The following PLEKHG1 variants were observed in gnomAD, a reference collection of about 807,000 sequenced individuals.
The protein encoded by PLEKHG1 is pleckstrin homology domain-containing family G member 1.
Under a neutral mutation model 100.8 loss-of-function variants are expected in PLEKHG1, and 44 were observed. The observed-to-expected ratio is 0.44, with a 90% CI of 0.34 to 0.56. The LOEUF is 0.56. PLEKHG1 is among the 20% of genes least tolerant of loss of function. The probability of loss-of-function intolerance (pLI) is 0.01; values close to 1 mark genes in which losing one functional copy is unlikely to be tolerated. For missense variants in PLEKHG1, 1,545 were observed against 1,720.9 expected (o/e 0.90, Z 1.81); for synonymous variants, 640 against 662.5 (o/e 0.97, Z 0.52).
chr6:150,813,304 C>CA (rs36106888), intron 10 of PLEKHG1, among the ~76,000 whole-genome samples: 73,541 of 121,968 alleles, frequency 0.6, 20,410 homozygotes, highest in Admixed American at 0.66. Context: ...GACTCTGTCT[C>CA]AAAAAAAAAA....
Position 150,818,176 on chromosome 6 carries a change from C to G in PLEKHG1, c.1279-7C>G, listed in dbSNP as rs1180878607. On this transcript the variant is annotated splice_region_variant and splice_polypyrimidine_tract_variant and intron_variant, in intron 10 of 15. Coordinates refer to ENST00000358517, the Ensembl canonical transcript of PLEKHG1. ...TTGGAATTACAGCTCTACTTTCTCT[C>G]TTTCAGGCCAAGCAAGCAATCCTTG... 1.2e-6 allele frequency: 2 copies of G among 1,607,730 alleles called. No individual in the cohort carries two copies. Among genetic ancestry groups the G allele is most frequent in the African/African-American group, 1.3e-5 (1 of 74,810 alleles).
chr6:150,740,652 T>A (rs1363861428), intron 2 of PLEKHG1, among the ~76,000 whole-genome samples: 1 of 152,218 alleles, frequency 6.6e-6, no homozygotes, highest in Admixed American at 6.5e-5. Context: ...GCTCGTTATG[T>A]GGGTGGATTT....
chr6:150,764,748 T>C (rs920582296), intron 2 of PLEKHG1, among the ~76,000 whole-genome samples: 5 of 152,158 alleles, frequency 3.3e-5, no homozygotes, highest in Admixed American at 2.6e-4. Context: ...TGAAACTCCA[T>C]CCTTCAAGAT....
intron 5 of PLEKHG1, among the ~76,000 whole-genome samples, chr6:150,799,670 A>C (rs988247760): frequency 1.3e-5 from 2 of 152,216 alleles, no homozygotes; most frequent in Non-Finnish European, 2.9e-5. Flanking sequence ...GGGGAAAATA[A>C]ATCAGTGTGA....
intron 3 of PLEKHG1, among the ~76,000 whole-genome samples, chr6:150,778,638 T>G (rs1388283756): frequency 6.6e-6 from 1 of 152,178 alleles, no homozygotes. Context: ...TTTTCACCCC[T>G]GGTCAGATCA....
At chr6:150,830,598 G>A in exon 15 of PLEKHG1, 1 of 1,594,416 alleles carries the variant, frequency 6.3e-7, no homozygotes, top group Non-Finnish European at 8.6e-7. Flanking sequence ...AGAGAGGAAG[G>A]ATCTCCCCAG....
rs1416658410 is a variant in PLEKHG1 at position 150,600,781 on chromosome 6, A to T, written c.-204+764A>T. 1 of 152,192 alleles carries T rather than the reference A, an allele frequency of 6.6e-6. No individual in the cohort carries two copies. The highest frequency in any genetic ancestry group is 1.5e-5 in the Non-Finnish European group (1 of 68,060). 9.4% of individuals were successfully genotyped at this position (152,192 alleles called of 1,614,324 possible). ...CCCGTTCCGAAGCCGGAAGCTTGGGAACGCTCTAACTGGGAGAACGGCGCT... is the reference window on the plus strand; with the variant it reads ...CCCGTTCCGAAGCCGGAAGCTTGGGTACGCTCTAACTGGGAGAACGGCGCT... On this transcript the variant is annotated intron_variant, in intron 1 of 3. Transcript: ENST00000367326. This position sits in a 1 kb window ranked among gnomAD's most constrained non-coding sequence, Gnocchi z 6.2.
intron 3 of PLEKHG1, among the ~76,000 whole-genome samples, chr6:150,654,088 C>A (rs1338095452): frequency 1.3e-5 from 2 of 152,096 alleles, no homozygotes; most frequent in African/African-American, 2.4e-5. Flanking sequence ...TTTCACCTAC[C>A]CTGGTTATTT....
At chr6:150,732,094 T>G (rs1782292992) in intron 1 of PLEKHG1, among the ~76,000 whole-genome samples, 1 of 151,900 alleles carries the variant, frequency 6.6e-6, no homozygotes, top group Admixed American at 6.6e-5. Flanking sequence ...CCCGAGTAGC[T>G]GGGACTACAG....
At chr6:150,815,875 T>TA (rs1470417071) in intron 10 of PLEKHG1, among the ~76,000 whole-genome samples, 1 of 152,236 alleles carries the variant, frequency 6.6e-6, no homozygotes, top group Non-Finnish European at 1.5e-5. Context: ...TACAATCCCC[T>TA]AGGACAGTGG....
Position 150,782,869 on chromosome 6 carries a change from T to C in PLEKHG1, c.513-3521T>C, listed in dbSNP as rs73783109. On this transcript the variant is annotated intron_variant, in intron 3 of 15. Transcript: ENST00000358517. ...TGACGTTGTGGCTCATTTTCAAATATGAAAGGACAAATGAAGATACTCAGA... is the reference window on the plus strand; with the variant it reads ...TGACGTTGTGGCTCATTTTCAAATACGAAAGGACAAATGAAGATACTCAGA... Among the ~76,000 whole-genome samples the C allele has an allele frequency of 2.4e-3, 369 of 152,084 alleles. 1 individual carries two copies. Among genetic ancestry groups the C allele is most frequent in the African/African-American group, 8.4e-3 (350 of 41,482 alleles).
chr6:150,787,430 A>T (rs966343950), intron 4 of PLEKHG1, among the ~76,000 whole-genome samples: 2 of 152,210 alleles, frequency 1.3e-5, no homozygotes, highest in Non-Finnish European at 2.9e-5. Context: ...TGCCTAGTAT[A>T]TAGAGATTTC....
At chr6:150,674,784 G>T (rs137891202) in intron 3 of PLEKHG1, among the ~76,000 whole-genome samples, 3,762 of 152,002 alleles carry the variant, frequency 0.025, 76 homozygotes, top group Non-Finnish European at 0.036. Flanking sequence ...CTGGATTCAA[G>T]AGATTCTCCT....
chr6:150,683,861 A>G lies in PLEKHG1; in HGVS notation c.-99+33075A>G, dbSNP rs1374565656. On this transcript the variant is annotated intron_variant, in intron 3 of 3. Coordinates refer to the PLEKHG1 transcript ENST00000367326. This position sits in a 1 kb window ranked among gnomAD's most constrained non-coding sequence, Gnocchi z 4.0. The stretch of plus-strand genomic sequence containing the variant: ...TCACAGGCGAGTGAAATATGGGAAT[A>G]TTGAAGGGGCCTGGGATGGAGGTAA... 1.6e-6 allele frequency: 2 copies of G among 1,269,012 alleles called. No homozygotes were observed. The highest frequency in any genetic ancestry group is 1.2e-5 in the South Asian group (1 of 80,006). The allele number at this position is 1,269,012 out of a possible 1,614,324, so 78.6% of individuals were successfully genotyped here. A position where few individuals can be genotyped will look rare whatever the true frequency, so the allele number is the denominator to read the frequency against.
intron 2 of PLEKHG1, among the ~76,000 whole-genome samples, chr6:150,747,351 T>C (rs750774816): frequency 6.6e-6 from 1 of 152,234 alleles, no homozygotes; most frequent in African/African-American, 2.4e-5. Context: ...CGAGAGTTAG[T>C]GTGACAGTCC....
At chr6:150,792,449 G>A (rs1336583858) in intron 4 of PLEKHG1, among the ~76,000 whole-genome samples, 1 of 151,314 alleles carries the variant, frequency 6.6e-6, no homozygotes, top group Non-Finnish European at 1.5e-5. Context: ...CAAGGCAGGC[G>A]ATCACCTGAA....
At chr6:150,651,825 C>G (rs921861288) in intron 3 of PLEKHG1, 1 of 151,938 alleles carries the variant, frequency 6.6e-6, no homozygotes, top group African/African-American at 2.4e-5. Flanking sequence ...TACCACTGCA[C>G]TCCAGCCTAG....
At chr6:150,762,757 T>C (rs1371333992) in intron 2 of PLEKHG1, among the ~76,000 whole-genome samples, 1 of 152,138 alleles carries the variant, frequency 6.6e-6, no homozygotes, top group Non-Finnish European at 1.5e-5. Context: ...CCCTAGGTGT[T>C]CACAGAGAAA....
At chr6:150,779,344 G>GTTTGTTTTTTTTTGT (rs1257363893) in intron 3 of PLEKHG1, among the ~76,000 whole-genome samples, 1 of 104,540 alleles carries the variant, frequency 9.6e-6, no homozygotes, top group Non-Finnish European at 1.8e-5. Flanking sequence ...TTGTCAAGAA[G>GTTTGTTTTTTTTTGT]TTTTTTTTTT....
Sources: gnomAD v4.1 joint callset for allele counts (sites outside exome capture counted in the v4.1 genomes callset) on GRCh38, gnomAD v4.1.1 for gene constraint, Gnocchi (gnomAD v3.1) non-coding constraint, MANE v1.5 for transcripts, NCBI Gene and HGNC (gene_info 2026-07-23, HGNC 2026-07-21) for gene names.